RNF130: variants seen among roughly 807,000 people sequenced by gnomAD.
RNF130 encodes ring finger protein 130.
RNF130 carries 21 observed loss-of-function variants against 44.6 expected under a neutral mutation model. The observed-to-expected ratio is 0.47, with a 90% CI of 0.33 to 0.68. RNF130 has a LOEUF of 0.68. Ranked by LOEUF, RNF130 falls within the 30% of genes least tolerant of loss-of-function variation. The pLI is 0.02. For synonymous variants in RNF130, 214 were observed against 210.4 expected (o/e 1.02, Z -0.15); for missense variants, 479 against 560.6 (o/e 0.85, Z 1.47).
chr5:180,066,840 T>C (rs114874525), intron 1 of RNF130, among the ~76,000 whole-genome samples: 1,921 of 151,452 alleles, frequency 0.013, 15 homozygotes, highest in Non-Finnish European at 0.02. Context: ...CTCTAAAAAA[T>C]AAAATACAAT....
intron 5 of RNF130, among the ~76,000 whole-genome samples, chr5:179,971,255 G>A (rs1762576198): frequency 6.6e-6 from 1 of 152,204 alleles, no homozygotes; most frequent in Non-Finnish European, 1.5e-5. Context: ...CGGCCCAGCA[G>A]CCTTCTGAAG....
intron 1 of RNF130, among the ~76,000 whole-genome samples, chr5:180,055,970 G>T (rs986999543): frequency 3.9e-5 from 6 of 152,024 alleles, no homozygotes; most frequent in Non-Finnish European, 7.4e-5. Context: ...TTTAATCCCA[G>T]CTACTCGGGA....
chr5:180,008,668 T>G (rs1763516661), intron 3 of RNF130, among the ~76,000 whole-genome samples: 1 of 152,090 alleles, frequency 6.6e-6, no homozygotes, highest in Non-Finnish European at 1.5e-5. Context: ...ACAGATCGCT[T>G]GAGGTCAGGA....
At chr5:179,998,365 C>T (rs1290368672) in intron 3 of RNF130, among the ~76,000 whole-genome samples, 1 of 152,132 alleles carries the variant, frequency 6.6e-6, no homozygotes, top group Non-Finnish European at 1.5e-5. Flanking sequence ...TTGTAAATTT[C>T]CATGTATTTG....
At chr5:179,962,577 G>C (rs748617327) in intron 8 of RNF130, among the ~76,000 whole-genome samples, 1 of 152,124 alleles carries the variant, frequency 6.6e-6, no homozygotes, top group Non-Finnish European at 1.5e-5. Context: ...ATTGGTAAAA[G>C]AAAGGACTGA....
intron 3 of RNF130, among the ~76,000 whole-genome samples, chr5:179,987,534 T>C (rs1762983383): frequency 6.6e-6 from 1 of 152,058 alleles, no homozygotes; most frequent in South Asian, 2.1e-4. Context: ...ACAGAGGGGG[T>C]GGTAGGTAGA....
At chr5:179,980,719 T>C (rs952612507) in intron 3 of RNF130, among the ~76,000 whole-genome samples, 1 of 152,234 alleles carries the variant, frequency 6.6e-6, no homozygotes, top group African/African-American at 2.4e-5. Flanking sequence ...TGGCTCGCTA[T>C]ACTATCATCC....
chr5:179,930,137 G>A (rs1464916950), intron 7 of RNF130, among the ~76,000 whole-genome samples: 2 of 151,830 alleles, frequency 1.3e-5, no homozygotes, highest in Admixed American at 6.6e-5. Context: ...GGCTCACTGC[G>A]ACCTCTGCCC....
At position 179,921,101 on chromosome 5, in the gene RNF130, T is replaced by C. The variant is rs560269308; in HGVS notation, c.1151-675A>G. Among the ~76,000 whole-genome samples the C allele has an allele frequency of 1.4e-4, 21 of 152,320 alleles. 1 individual carries two copies. In the South Asian group the frequency reaches 2.9e-3, roughly 21 times the overall value. ...GCTTACATTTCCTTTTCTATAAAAC[T>C]GTTTTTAAGCTTTACTGGGGTATAA... On this transcript the variant is annotated intron_variant, in intron 7 of 7. Transcript: ENST00000522208.
chr5:179,997,703 GCAAT>G (rs1033670791), intron 3 of RNF130, among the ~76,000 whole-genome samples: 77 of 152,252 alleles, frequency 5.1e-4, no homozygotes, highest in African/African-American at 1.7e-3. Flanking sequence ...CTGGACTCAA[GCAAT>G]CAGTCTACCT....
At chr5:180,033,750 T>C (rs944385589) in intron 2 of RNF130, among the ~76,000 whole-genome samples, 9 of 148,266 alleles carry the variant, frequency 6.1e-5, no homozygotes, top group South Asian at 4.7e-4. Flanking sequence ...TATAATGACT[T>C]TGTATTCTAC....
At chr5:179,937,882 T>C (rs1761915106) in intron 7 of RNF130, among the ~76,000 whole-genome samples, 1 of 151,072 alleles carries the variant, frequency 6.6e-6, no homozygotes, top group South Asian at 2.1e-4. Context: ...AAATGAAGTG[T>C]TGACATATGC....
intron 3 of RNF130, among the ~76,000 whole-genome samples, chr5:180,004,478 C>T (rs1211938392): frequency 6.6e-6 from 1 of 152,176 alleles, no homozygotes; most frequent in African/African-American, 2.4e-5. Context: ...CATAGATCTC[C>T]TTTCCACTTC....
At chr5:179,998,119 G>A (rs142218755) in intron 3 of RNF130, among the ~76,000 whole-genome samples, 1,694 of 152,342 alleles carry the variant, frequency 0.011, 12 homozygotes, top group Middle Eastern at 0.024. Context: ...GATTAGAGGC[G>A]TGAGCCACTG....
At chr5:179,985,089 G>A (rs1424638842) in intron 3 of RNF130, among the ~76,000 whole-genome samples, 1 of 150,006 alleles carries the variant, frequency 6.7e-6, no homozygotes, top group Non-Finnish European at 1.5e-5. Flanking sequence ...AATTACTCTG[G>A]TGTAGTATCT....
intron 2 of RNF130, among the ~76,000 whole-genome samples, chr5:180,021,732 C>G (rs543954454): frequency 6.6e-6 from 1 of 152,238 alleles, no homozygotes; most frequent in East Asian, 1.9e-4. Flanking sequence ...CATGATGCCT[C>G]ATCACCCCCG....
chr5:179,955,577 GATT>G lies in RNF130; in HGVS notation c.*74_*76del. The G allele has an allele frequency of 8.2e-7, 1 of 1,213,840 alleles. No individual in the cohort carries two copies. Among genetic ancestry groups the G allele is most frequent in the East Asian group, 2.3e-5 (1 of 42,684 alleles). 75.2% of individuals were successfully genotyped at this position (1,213,840 alleles called of 1,614,324 possible). On this transcript the variant is annotated 3_prime_UTR_variant, in exon 9 of 9. Coordinates refer to ENST00000521389, the MANE Select transcript of RNF130 (RefSeq NM_018434.6). ...CTAAAAATAAATGCTTGTGTGGCAT[GATT>G]GGTAAATGATGCACAAAAATAGGTT...
intron 7 of RNF130, among the ~76,000 whole-genome samples, chr5:179,947,524 G>T (rs1582134425): frequency 6.6e-6 from 1 of 152,174 alleles, no homozygotes. Flanking sequence ...GACCCTGGGG[G>T]CCAGCTTATG....
At chr5:180,054,255 C>T (rs1433632591) in intron 1 of RNF130, among the ~76,000 whole-genome samples, 2 of 152,088 alleles carry the variant, frequency 1.3e-5, no homozygotes, top group African/African-American at 4.8e-5. Flanking sequence ...TGTAACGACC[C>T]AGCTTTCTTT....
Sources: gnomAD v4.1 joint callset for allele counts (sites outside exome capture counted in the v4.1 genomes callset) on GRCh38, gnomAD v4.1.1 for gene constraint, MANE v1.5 for transcripts, NCBI Gene and HGNC (gene_info 2026-07-23, HGNC 2026-07-21) for gene names.